Variants in FGL1 observed in about 807,000 individuals in gnomAD.
FGL1 encodes fibrinogen like 1.
A neutral mutation model predicts 43.7 loss-of-function variants in FGL1; 59 were observed. The observed-to-expected ratio is 1.35, with a 90% confidence interval of 1.10 to 1.68. FGL1 has a LOEUF of 1.68. Among genes scored for constraint, FGL1 ranks in the 40% most tolerant of loss-of-function variants. The pLI is 0.00. For missense variants in FGL1, 596 were observed against 373.0 expected (o/e 1.60, Z -4.92); for synonymous variants, 192 against 126.5 (o/e 1.52, Z -3.48).
chr8:17,884,412 C>A (rs890525454), intron 2 of FGL1, among the ~76,000 whole-genome samples: 1 of 152,086 alleles, frequency 6.6e-6, no homozygotes. Context: ...CCAGTCTGGT[C>A]TCAAACTTCT....
intron 7 of FGL1, among the ~76,000 whole-genome samples, chr8:17,865,244 C>T (rs1257292823): frequency 1.3e-5 from 2 of 152,128 alleles, no homozygotes; most frequent in Non-Finnish European, 2.9e-5. Flanking sequence ...TCCTTGTAAC[C>T]TCCAGCCTTA....
chr8:17,873,758 A>G (rs894065482), intron 5 of FGL1, among the ~76,000 whole-genome samples: 1 of 150,050 alleles, frequency 6.7e-6, no homozygotes, highest in Non-Finnish European at 1.5e-5. Context: ...GAATGTATAT[A>G]TATCTATAAA....
At chr8:17,895,305 C>A in intron 1 of FGL1, 142 bp downstream of exon 1, 1 of 1,085,344 alleles carries the variant, frequency 9.2e-7, no homozygotes, top group South Asian at 2.3e-5. Context: ...CTCCAAGTAG[C>A]AGAAGCAGAC....
intron 1 of FGL1, among the ~76,000 whole-genome samples, chr8:17,888,627 G>C (rs894122122): frequency 6.6e-6 from 1 of 152,058 alleles, no homozygotes. Context: ...TTTTTTGTCT[G>C]AGGGTCCTTG....
At chr8:17,881,766 G>A (rs1193743278) in intron 3 of FGL1, among the ~76,000 whole-genome samples, 6 of 151,036 alleles carry the variant, frequency 4.0e-5, no homozygotes, top group East Asian at 2.0e-4. Flanking sequence ...CCTGGTAGAC[G>A]GAGCTTGCAG....
Position 17,868,904 on chromosome 8 carries a change from AAAT to A in FGL1, c.591+9_591+11del. ...TTTATTCACGGTTTTACTTCTTAGAAAATTGTAGTACCTTTTCATCTCCAACTT... is the reference window on the plus strand; with the variant it reads ...TTTATTCACGGTTTTACTTCTTAGAATGTAGTACCTTTTCATCTCCAACTT... On this transcript the variant is annotated intron_variant, in intron 6 of 7. Transcript: ENST00000427924. The A allele has an allele frequency of 1.9e-6, 3 of 1,575,316 alleles. No individual in the cohort carries two copies. Among genetic ancestry groups the A allele is most frequent in the Non-Finnish European group, 2.6e-6 (3 of 1,161,066 alleles).
At chr8:17,885,279 G>C (rs1377242036) in intron 2 of FGL1, among the ~76,000 whole-genome samples, 1 of 151,978 alleles carries the variant, frequency 6.6e-6, no homozygotes, top group African/African-American at 2.4e-5. Flanking sequence ...TCCTGACCTT[G>C]TGATCCACCC....
At position 17,894,370 on chromosome 8, in the gene FGL1, T is replaced by G. The variant is rs1025417234; in HGVS notation, c.-18+1077A>C. 6.1e-5 allele frequency among the ~76,000 whole-genome samples: 9 copies of G among 147,122 alleles called. 1 individual carries two copies. Among genetic ancestry groups the G allele is most frequent in the African/African-American group, 1.1e-4 (4 of 37,434 alleles). On this transcript the variant is annotated intron_variant, in intron 1 of 7. Transcript: ENST00000427924. Reference sequence around the variant, plus strand: ...TAAAAATGTACCCATAAACACAAGCTTAGAGACTCCTTTTAAGCTATTTCC... The same window carrying G: ...TAAAAATGTACCCATAAACACAAGCGTAGAGACTCCTTTTAAGCTATTTCC...
intron 2 of FGL1, among the ~76,000 whole-genome samples, chr8:17,882,887 ATC>A (rs2053562132): frequency 9.1e-6 from 1 of 110,324 alleles, no homozygotes; most frequent in Admixed American, 1.1e-4. Flanking sequence ...TATATAATAT[ATC>A]TCATATATAA....
At chr8:17,884,535 C>T (rs1004966031) in intron 2 of FGL1, among the ~76,000 whole-genome samples, 2 of 152,054 alleles carry the variant, frequency 1.3e-5, no homozygotes, top group Non-Finnish European at 2.9e-5. Flanking sequence ...TACTCTATCC[C>T]TAACACTCAG....
At position 17,895,465 on chromosome 8, in the gene FGL1, C is replaced by G; in HGVS notation, c.-36G>C. ...AACTTGCCTAAAGTCAGAAGTGAGT[C>G]AGAGACCCAGCTCAGGTTCCATCCA... is the stretch of plus-strand genomic sequence containing the variant. On this transcript the variant is annotated 5_prime_UTR_variant, in exon 1 of 8. It removes the in-frame stop codon of an upstream open reading frame in the 5' UTR. Transcript: ENST00000427924. 7 of 1,283,566 alleles carry G rather than the reference C, an allele frequency of 5.5e-6. No homozygotes were observed. Among genetic ancestry groups the G allele is most frequent in the Non-Finnish European group, 7.1e-6 (7 of 983,700 alleles). The allele number at this position is 1,283,566 out of a possible 1,614,324, so 79.5% of individuals were successfully genotyped here.
At chr8:17,866,598 T>C (rs2053273636) in intron 7 of FGL1, among the ~76,000 whole-genome samples, 1 of 152,198 alleles carries the variant, frequency 6.6e-6, no homozygotes, top group Non-Finnish European at 1.5e-5. Flanking sequence ...TAATGTGGGC[T>C]CTGTGGCAGG....
intron 1 of FGL1, among the ~76,000 whole-genome samples, chr8:17,890,493 C>G (rs2131747065): frequency 6.6e-6 from 1 of 152,262 alleles, no homozygotes; most frequent in South Asian, 2.1e-4. Flanking sequence ...ACCTGGAATG[C>G]TCTTCTGAAA....
intron 3 of FGL1, among the ~76,000 whole-genome samples, chr8:17,879,670 C>G (rs1443948888): frequency 6.6e-6 from 1 of 152,056 alleles, no homozygotes; most frequent in Non-Finnish European, 1.5e-5. Context: ...GAGGCCTCCC[C>G]AGAAGCAGAT....
chr8:17,872,784 G>A (rs902333449), intron 5 of FGL1, among the ~76,000 whole-genome samples: 1 of 152,112 alleles, frequency 6.6e-6, no homozygotes, highest in African/African-American at 2.4e-5. Flanking sequence ...GGGAAAAGTC[G>A]TTATCAAAAC....
At position 17,868,702 on chromosome 8, in the gene FGL1, C is replaced by G; in HGVS notation, c.625G>C (p.Gly209Arg). The change falls in exon 7 of 8, where the codon GGA becomes CGA. Residue 209 changes from glycine (G) to arginine (R), a missense_variant. Physicochemically the swap from Gly to Arg is moderately radical, Grantham distance 125. Transcript: ENST00000427924. ...CCCGCAAGGGAATCTCCAGCTGTTCCAGAATATTCCCCAATATTCAACTCG... is the reference window on the plus strand; with the variant it reads ...CCCGCAAGGGAATCTCCAGCTGTTCGAGAATATTCCCCAATATTCAACTCG... ...FYELNIGEYS[G>R]TAGDSLAGNF... 5.6e-6 allele frequency: 9 copies of G among 1,613,336 alleles called. No homozygotes were observed. Among genetic ancestry groups the G allele is most frequent in the Non-Finnish European group, 6.8e-6 (8 of 1,179,774 alleles).
chr8:17,880,739 G>A (rs1456160482), intron 3 of FGL1, among the ~76,000 whole-genome samples: 2 of 152,180 alleles, frequency 1.3e-5, no homozygotes, highest in Non-Finnish European at 2.9e-5. Flanking sequence ...GCTTTCGCTA[G>A]CATTCTTTTT....
chr8:17,883,482 TATATA>T (rs993796699), intron 2 of FGL1, among the ~76,000 whole-genome samples: 12 of 127,572 alleles, frequency 9.4e-5, no homozygotes, highest in African/African-American at 3.7e-4. Flanking sequence ...ATATAAATAA[TATATA>T]ATATATTAAA....
chr8:17,883,385 A>T (rs1338954346), intron 2 of FGL1, among the ~76,000 whole-genome samples: 4 of 109,968 alleles, frequency 3.6e-5, no homozygotes, highest in Non-Finnish European at 6.5e-5. Flanking sequence ...ATAATATACA[A>T]TATAATAATA....
Sources: gnomAD v4.1 joint callset for allele counts (sites outside exome capture counted in the v4.1 genomes callset) on GRCh38, gnomAD v4.1.1 for gene constraint, MANE v1.5 for transcripts, NCBI Gene and HGNC (gene_info 2026-07-23, HGNC 2026-07-21) for gene names.